Variants in RANBP3L observed in about 807,000 individuals in gnomAD.
The protein encoded by RANBP3L is RAN binding protein 3 like.
RANBP3L carries 56 observed loss-of-function variants against 67.2 expected under a neutral mutation model. The ratio of observed to expected loss-of-function variants is 0.83; its 90% CI spans 0.67 to 1.04. The LOEUF (loss-of-function observed/expected upper bound fraction) is 1.04, where lower values mean the gene tolerates loss of function less well. Among genes scored for constraint, RANBP3L ranks in the 50% least tolerant of loss-of-function variants. The pLI is 0.00. For synonymous variants in RANBP3L, 164 were observed against 181.4 expected (o/e 0.90, Z 0.77); for missense variants, 496 against 535.5 (o/e 0.93, Z 0.73).
intron 12 of RANBP3L, among the ~76,000 whole-genome samples, 156 bp downstream of exon 12, chr5:36,253,491 A>G (rs902650671): frequency 3.3e-5 from 5 of 150,580 alleles, no homozygotes; most frequent in Admixed American, 2.0e-4. Flanking sequence ...TGAATTTCAC[A>G]TAAAATTTAT....
chr5:36,274,108 T>C (rs778176846), intron 1 of RANBP3L, among the ~76,000 whole-genome samples: 2 of 152,208 alleles, frequency 1.3e-5, no homozygotes, highest in Non-Finnish European at 2.9e-5. Context: ...AGAGTCTCTC[T>C]CAACCCATTA....
intron 1 of RANBP3L, among the ~76,000 whole-genome samples, chr5:36,297,426 T>TACACACAC (rs35651432): frequency 7.4e-4 from 111 of 149,026 alleles, no homozygotes; most frequent in South Asian, 1.9e-3. Flanking sequence ...GTCACCTGTA[T>TACACACAC]ACACACACAC....
chr5:36,265,205 G>A (rs566151820), intron 5 of RANBP3L, 107 bp from the exon 6 acceptor site: 1 of 765,790 alleles, frequency 1.3e-6, no homozygotes, highest in Admixed American at 3.4e-5. Flanking sequence ...GTTTAAATGA[G>A]GGACTAGCGT....
intron 8 of RANBP3L, among the ~76,000 whole-genome samples, chr5:36,258,203 T>C (rs1486183181): frequency 6.6e-6 from 1 of 152,216 alleles, no homozygotes; most frequent in African/African-American, 2.4e-5. Flanking sequence ...CTTGGGGCTC[T>C]GTATGTCTGT....
At chr5:36,272,378 G>A (rs1750281932) in intron 1 of RANBP3L, among the ~76,000 whole-genome samples, 1 of 152,086 alleles carries the variant, frequency 6.6e-6, no homozygotes, top group African/African-American at 2.4e-5. Flanking sequence ...CCAACATATT[G>A]TCTTGGCATA....
At chr5:36,272,331 T>A (rs1750276962) in intron 1 of RANBP3L, among the ~76,000 whole-genome samples, 1 of 152,230 alleles carries the variant, frequency 6.6e-6, no homozygotes, top group Non-Finnish European at 1.5e-5. Context: ...TGAGACCAAG[T>A]AAGACCTCAG....
intron 6 of RANBP3L, among the ~76,000 whole-genome samples, chr5:36,262,652 G>A (rs1749481304): frequency 6.6e-6 from 1 of 151,902 alleles, no homozygotes; most frequent in African/African-American, 2.4e-5. Context: ...TTCCTTCCTC[G>A]ACCAGGAATT....
Position 36,249,405 on chromosome 5 carries a change from A to G in RANBP3L, c.*249T>C. On this transcript the variant is annotated 3_prime_UTR_variant, in exon 14 of 14. Transcript: ENST00000296604. Reference sequence around the variant, plus strand: ...AGTTATAAAATCCTATTCTAAATAAACTTCTTCAAAAATGATAAATTTTGA... The same window carrying G: ...AGTTATAAAATCCTATTCTAAATAAGCTTCTTCAAAAATGATAAATTTTGA... 3.7e-6 allele frequency: 1 copy of G among 273,534 alleles called. No individual in the cohort carries two copies. Among genetic ancestry groups the G allele is most frequent in the Non-Finnish European group, 6.8e-6 (1 of 147,036 alleles). 16.9% of individuals were successfully genotyped at this position (273,534 alleles called of 1,614,324 possible). A position where few individuals can be genotyped will look rare whatever the true frequency, so the allele number is the denominator to read the frequency against.
In RANBP3L at chr5:36,269,373, G is replaced by C. The variant is rs78742059; in HGVS notation, c.268+17C>G. 2.8e-6 allele frequency: 4 copies of C among 1,418,384 alleles called. No homozygotes were observed. The highest frequency in any genetic ancestry group is 3.0e-6 in the Non-Finnish European group (3 of 1,003,294). 87.9% of individuals were successfully genotyped at this position (1,418,384 alleles called of 1,614,324 possible). On this transcript the variant is annotated intron_variant, in intron 4 of 13. Transcript: ENST00000296604. Reference sequence around the variant, plus strand: ...TAAACATAACAGTGAATAGTCAACAGTCAAGGCTATACATACCTCCCTGGG... The same window carrying C: ...TAAACATAACAGTGAATAGTCAACACTCAAGGCTATACATACCTCCCTGGG...
intron 1 of RANBP3L, among the ~76,000 whole-genome samples, chr5:36,286,170 C>T (rs1579765429): frequency 6.6e-6 from 1 of 151,950 alleles, no homozygotes; most frequent in East Asian, 1.9e-4. Context: ...AAGAATTTAC[C>T]CTAAGATTTG....
chr5:36,295,785 G>A (rs548575648), intron 1 of RANBP3L, among the ~76,000 whole-genome samples: 2 of 150,340 alleles, frequency 1.3e-5, no homozygotes, highest in African/African-American at 4.9e-5. Flanking sequence ...GACTCTATTA[G>A]GAAGGCTTAT....
intron 1 of RANBP3L, among the ~76,000 whole-genome samples, chr5:36,291,654 G>T (rs534816079): frequency 2.0e-5 from 3 of 150,966 alleles, no homozygotes; most frequent in Admixed American, 2.0e-4. Flanking sequence ...GTGGTGTTTG[G>T]TTTTTTGTTC....
At chr5:36,251,224 C>T in intron 13 of RANBP3L, 89 bp downstream of exon 13, 1 of 1,083,082 alleles carries the variant, frequency 9.2e-7, no homozygotes, top group Non-Finnish European at 1.3e-6. Flanking sequence ...AGAGCAGTTC[C>T]ACTTGTTAAA....
chr5:36,294,157 C>A (rs934869506), intron 1 of RANBP3L, among the ~76,000 whole-genome samples: 6 of 152,178 alleles, frequency 3.9e-5, no homozygotes, highest in African/African-American at 9.6e-5. Context: ...GGAATTTATC[C>A]ATTTCTTCTA....
intron 1 of RANBP3L, among the ~76,000 whole-genome samples, chr5:36,282,128 C>T (rs927943253): frequency 3.9e-5 from 6 of 152,156 alleles, no homozygotes; most frequent in Non-Finnish European, 8.8e-5. Flanking sequence ...AATTTGACAG[C>T]ATTTGTAAAT....
At chr5:36,266,086 CT>C (rs985177493) in intron 4 of RANBP3L, among the ~76,000 whole-genome samples, 2 of 150,774 alleles carry the variant, frequency 1.3e-5, no homozygotes, top group East Asian at 2.0e-4. Context: ...AAAAGGCAGT[CT>C]TTTTTTTGAA....
rs762428435 is a variant in RANBP3L at position 36,256,896 on chromosome 5, A to G, written c.903+45T>C. The G allele has an allele frequency of 3.2e-6, 5 of 1,545,262 alleles. No individual in the cohort carries two copies. The South Asian group carries it at 4.9e-5, about 15-fold the overall frequency. On this transcript the variant is annotated intron_variant, in intron 10 of 13. Transcript: ENST00000296604. ...CCTCTTCTCATGTTAACTTTATTCC[A>G]AGTATGTAAATGCTACCAGAAAGAG...
chr5:36,254,774 A>G (rs563112122), intron 11 of RANBP3L, among the ~76,000 whole-genome samples: 1 of 152,184 alleles, frequency 6.6e-6, no homozygotes, highest in African/African-American at 2.4e-5. Flanking sequence ...TGACCAATAA[A>G]TCCATTCATC....
chr5:36,268,153 A>C, intron 4 of RANBP3L: 2 of 1,268,714 alleles, frequency 1.6e-6, no homozygotes, highest in Non-Finnish European at 2.2e-6. Context: ...GATTTTGAAA[A>C]GTCAGTGTCA....
Sources: allele counts gnomAD v4.1 joint callset (sites outside exome capture counted in the v4.1 genomes callset), GRCh38; gene constraint gnomAD v4.1.1; transcripts MANE v1.5; gene names NCBI Gene and HGNC (gene_info 2026-07-23, HGNC 2026-07-21).